RIC1: variants seen among roughly 807,000 people sequenced by gnomAD.
RIC1 encodes the protein RIC1 partner of RAB6A GEF complex, also known as guanine nucleotide exchange factor subunit RIC1.
RIC1 carries 88 observed loss-of-function variants against 169.0 expected under a neutral mutation model. The ratio of observed to expected loss-of-function variants is 0.52; its 90% CI spans 0.44 to 0.62. The LOEUF (loss-of-function observed/expected upper bound fraction) is 0.62. Among genes scored for constraint, RIC1 ranks in the 20% least tolerant of loss-of-function variants. The probability of loss-of-function intolerance (pLI) is 0.00; values close to 1 mark genes in which losing one functional copy is unlikely to be tolerated. For synonymous variants in RIC1, 790 were observed against 601.5 expected (o/e 1.31, Z -4.59); for missense variants, 1,877 against 1,725.5 (o/e 1.09, Z -1.56).
intron 2 of RIC1, 149 bp from the exon 3 acceptor site, chr9:5,689,810 C>G: frequency 1.8e-6 from 1 of 544,406 alleles, no homozygotes; most frequent in Non-Finnish European, 3.2e-6. Flanking sequence ...TAAAAAGTCG[C>G]TTCTATTTGC....
At chr9:5,707,020 A>C (rs1449462912) in intron 3 of RIC1, among the ~76,000 whole-genome samples, 1 of 152,038 alleles carries the variant, frequency 6.6e-6, no homozygotes, top group African/African-American at 2.4e-5. Flanking sequence ...CTTTTTCTTA[A>C]TATAGGCATT....
intron 2 of RIC1, among the ~76,000 whole-genome samples, chr9:5,681,609 T>G (rs1360366000): frequency 6.6e-6 from 1 of 152,236 alleles, no homozygotes; most frequent in East Asian, 1.9e-4. Context: ...CTGAAAAGAA[T>G]GTATATTCTG....
chr9:5,666,716 T>G (rs769125447), intron 2 of RIC1, among the ~76,000 whole-genome samples: 12 of 152,248 alleles, frequency 7.9e-5, no homozygotes, highest in Admixed American at 7.2e-4. Context: ...ATCCTTGCAT[T>G]CAGTGAATGA....
rs753026704 is a variant in RIC1, at chr9:5,762,592, A to T, written c.2044A>T (p.Met682Leu). 9 of 1,614,060 alleles carry T rather than the reference A, an allele frequency of 5.6e-6. No homozygotes were observed. Among genetic ancestry groups the T allele is most frequent in the Middle Eastern group, 3.3e-4 (2 of 6,058 alleles). ...AAACCTGGCAGGACAGCTCATCATG[A>T]TGCAGAGGGACAGGTCAGGCCCACA... ...MLNLAGQLIM[M>L]QRDRSGPQIR... The change falls in exon 18 of 26, where the codon ATG (methionine) becomes TTG (leucine). Residue 682 changes from methionine (M) to leucine (L), a missense_variant. Around this residue, in one of 3 missense-constraint regions of RIC1, gnomAD observed 1,104 missense variants for 992.0 expected, o/e 1.11. Coordinates refer to ENST00000414202, the MANE Select transcript of RIC1 (RefSeq NM_020829.4).
At chr9:5,674,567 G>A (rs1026692958) in intron 2 of RIC1, among the ~76,000 whole-genome samples, 1 of 152,162 alleles carries the variant, frequency 6.6e-6, no homozygotes. Context: ...GCAAGAAACT[G>A]CCTTTCCTTT....
intron 1 of RIC1, among the ~76,000 whole-genome samples, chr9:5,635,511 C>T (rs548760724): frequency 6.6e-6 from 1 of 152,264 alleles, no homozygotes; most frequent in African/African-American, 2.4e-5. Context: ...GGTTTTATTT[C>T]TGGACTCCAT....
At chr9:5,645,137 T>C (rs1818440985) in intron 1 of RIC1, among the ~76,000 whole-genome samples, 1 of 152,172 alleles carries the variant, frequency 6.6e-6, no homozygotes, top group Admixed American at 6.5e-5. Context: ...CACTGCAGCC[T>C]TGAACTCTTG....
chr9:5,714,047 A>T, intron 4 of RIC1, 44 bp downstream of exon 4: 1 of 1,260,192 alleles, frequency 7.9e-7, no homozygotes, highest in South Asian at 1.3e-5. Context: ...ATGACAGTAG[A>T]CAATGTAGTT....
chr9:5,766,054 T>C (rs1257605873), intron 21 of RIC1, among the ~76,000 whole-genome samples: 1 of 151,938 alleles, frequency 6.6e-6, no homozygotes, highest in Non-Finnish European at 1.5e-5. Flanking sequence ...TGTAACAAAC[T>C]TGTTTAAGAC....
At chr9:5,747,552 T>A in intron 12 of RIC1, 47 bp downstream of exon 12, 1 of 1,459,128 alleles carries the variant, frequency 6.9e-7, no homozygotes, top group Non-Finnish European at 9.6e-7. Context: ...TTTGATAGGA[T>A]ATCACCTGGA....
At chr9:5,732,924 A>G (rs1027709550) in intron 7 of RIC1, among the ~76,000 whole-genome samples, 4 of 152,182 alleles carry the variant, frequency 2.6e-5, no homozygotes, top group East Asian at 1.9e-4. Flanking sequence ...AGTTTATTAA[A>G]TAGAGATTTT....
chr9:5,658,920 C>A (rs997451864), intron 2 of RIC1, among the ~76,000 whole-genome samples: 4 of 150,324 alleles, frequency 2.7e-5, no homozygotes, highest in Non-Finnish European at 4.4e-5. Context: ...TGGAAAATAG[C>A]TTTTGCTGTA....
At chr9:5,695,554 C>G (rs1414740641) in intron 3 of RIC1, among the ~76,000 whole-genome samples, 1 of 151,042 alleles carries the variant, frequency 6.6e-6, no homozygotes, top group African/African-American at 2.4e-5. Flanking sequence ...CACTTTTCTC[C>G]TGGATTATTA....
chr9:5,740,199 C>G (rs1824991850), intron 8 of RIC1, among the ~76,000 whole-genome samples: 1 of 152,166 alleles, frequency 6.6e-6, no homozygotes, highest in African/African-American at 2.4e-5. Context: ...CTCCTTGCGT[C>G]TCACAAGCAA....
intron 2 of RIC1, among the ~76,000 whole-genome samples, chr9:5,678,003 C>A (rs1212423415): frequency 1.3e-5 from 2 of 151,944 alleles, no homozygotes; most frequent in Non-Finnish European, 2.9e-5. Flanking sequence ...CCCCCTGCCC[C>A]CACCCCACAA....
chr9:5,633,848 G>A (rs749257928), intron 1 of RIC1, among the ~76,000 whole-genome samples: 3 of 152,066 alleles, frequency 2.0e-5, no homozygotes, highest in African/African-American at 4.8e-5. Flanking sequence ...TCCCCAGAAC[G>A]TATTCATCTT....
rs115221745 is a variant in RIC1 at position 5,721,722 on chromosome 9, T to G, written c.720+972T>G. ...CTCTGTCAGTATAATTATTTTTCCT[T>G]TACTGCAGATTTTTCCTCCTGCTAG... On this transcript the variant is annotated intron_variant, in intron 6 of 25. Coordinates refer to ENST00000414202, the MANE Select transcript of RIC1 (RefSeq NM_020829.4). 7.8e-3 allele frequency among the ~76,000 whole-genome samples: 1,185 copies of G among 152,264 alleles called. 19 individuals are homozygous for G. Among genetic ancestry groups the G allele is most frequent in the African/African-American group, 0.027 (1,135 of 41,540 alleles).
In RIC1 at chr9:5,656,587, G is replaced by A. The variant is rs1667140167; in HGVS notation, c.149G>A (p.Ser50Asn). The A allele has an allele frequency of 1.3e-6, 2 of 1,547,706 alleles. No individual in the cohort carries two copies. Among genetic ancestry groups the A allele is most frequent in the Admixed American group, 1.8e-5 (1 of 54,094 alleles). ...ARLSIWYSRPSVLIVTYKEPA... is the reference protein window; with the variant it reads ...ARLSIWYSRPNVLIVTYKEPA... Reference sequence around the variant, plus strand: ...TTTTTTTTTTTAATCACACAGCCTAGTGTGTTAATTGTAACCTACAAGGAG... The same window carrying A: ...TTTTTTTTTTTAATCACACAGCCTAATGTGTTAATTGTAACCTACAAGGAG... Residue 50 changes from serine to asparagine, a missense_variant, in exon 2 of 26, where the codon AGT becomes AAT. Transcript: ENST00000414202.
At position 5,753,257 on chromosome 9, in the gene RIC1, G is replaced by T; in HGVS notation, c.1491+19G>T. The T allele has an allele frequency of 6.2e-7, 1 of 1,612,066 alleles. No homozygotes were observed. The highest frequency in any genetic ancestry group is 8.5e-7 in the Non-Finnish European group (1 of 1,178,292). On this transcript the variant is annotated intron_variant, in intron 13 of 25. Coordinates refer to ENST00000414202, the MANE Select transcript of RIC1 (RefSeq NM_020829.4). ...TATACGGGTGAGTTGTTATTTTGTTGGTGTTAACTTTTGTTGACTAGCATT... is the reference window on the plus strand; with the variant it reads ...TATACGGGTGAGTTGTTATTTTGTTTGTGTTAACTTTTGTTGACTAGCATT...
Sources: gnomAD v4.1 joint callset for allele counts (sites outside exome capture counted in the v4.1 genomes callset) on GRCh38, gnomAD v4.1.1 for gene constraint, gnomAD v4.1.1 regional missense constraint, MANE v1.5 for transcripts, NCBI Gene and HGNC (gene_info 2026-07-23, HGNC 2026-07-21) for gene names.